The following GNA12 variants were observed in gnomAD, a reference collection of about 807,000 sequenced individuals.
GNA12 encodes G protein subunit alpha 12, also known as guanine nucleotide-binding protein subunit alpha-12.
A neutral mutation model predicts 26.0 loss-of-function variants in GNA12; 9 were observed. That is an observed-to-expected ratio of 0.35 (90% CI 0.21 to 0.60). GNA12 has a LOEUF of 0.60. GNA12 is among the 20% of genes least tolerant of loss of function. The pLI is 0.78. For synonymous variants in GNA12, 264 were observed against 219.6 expected, an observed-to-expected ratio of 1.20 and a Z score of -1.79; for missense variants, 405 against 525.8, an observed-to-expected ratio of 0.77 and a Z score of 2.25.
chr7:2,815,002 T>C, intron 1 of GNA12: 1 of 1,539,778 alleles, frequency 6.5e-7, no homozygotes, highest in Non-Finnish European at 8.7e-7. Flanking sequence ...TATCCAGGTC[T>C]AATCTCGCCC....
At chr7:2,771,384 C>T (rs553282784) in intron 2 of GNA12, among the ~76,000 whole-genome samples, 179 of 152,116 alleles carry the variant, frequency 1.2e-3, no homozygotes, top group Non-Finnish European at 2.1e-3. Context: ...AGCTGTGGGA[C>T]CATCATAACA....
At chr7:2,823,229 T>C (rs974591551) in intron 1 of GNA12, among the ~76,000 whole-genome samples, 1 of 152,158 alleles carries the variant, frequency 6.6e-6, no homozygotes, top group Non-Finnish European at 1.5e-5. Flanking sequence ...GTCTGCTTCA[T>C]CCAGCATACA....
At chr7:2,778,795 C>T (rs78217514) in intron 2 of GNA12, among the ~76,000 whole-genome samples, 3,589 of 152,188 alleles carry the variant, frequency 0.024, 106 homozygotes, top group Middle Eastern at 0.075. Context: ...TAATATGTAG[C>T]GAAAATGGTG....
intron 1 of GNA12, among the ~76,000 whole-genome samples, chr7:2,829,407 G>C (rs994792985): frequency 1.3e-5 from 2 of 152,200 alleles, no homozygotes; most frequent in Non-Finnish European, 1.5e-5. Flanking sequence ...TACAGCCATG[G>C]GGACGCTGAC....
At position 2,729,121 on chromosome 7, in the gene GNA12, G is replaced by A. The variant is rs748353742; in HGVS notation, c.*2060C>T. 2.0e-5 allele frequency: 3 copies of A among 152,422 alleles called. No homozygotes were observed. The highest frequency in any genetic ancestry group is 7.2e-5 in the African/African-American group (3 of 41,476). 9.4% of individuals were successfully genotyped at this position (152,422 alleles called of 1,614,324 possible). ...ACTCCCCTGCTACGCGAATCACAGCGCTGCTGTCGCCAACAGCGCCGCGAA... is the reference window on the plus strand; with the variant it reads ...ACTCCCCTGCTACGCGAATCACAGCACTGCTGTCGCCAACAGCGCCGCGAA... On this transcript the variant is annotated 3_prime_UTR_variant, in exon 4 of 4. Coordinates refer to ENST00000275364, the MANE Select transcript of GNA12 (RefSeq NM_007353.3).
intron 1 of GNA12, among the ~76,000 whole-genome samples, chr7:2,840,167 A>G (rs530406043): frequency 4.5e-4 from 68 of 152,338 alleles, no homozygotes; most frequent in African/African-American, 1.6e-3. Flanking sequence ...TCTACAGAAC[A>G]TAATCACTGA....
intron 2 of GNA12, among the ~76,000 whole-genome samples, chr7:2,758,500 G>A (rs544706910): frequency 2.0e-5 from 3 of 152,286 alleles, no homozygotes; most frequent in Admixed American, 1.3e-4. Flanking sequence ...CCCCTGCAGC[G>A]TGGGAGGAAG....
intron 2 of GNA12, among the ~76,000 whole-genome samples, chr7:2,737,638 C>T (rs911569243): frequency 5.3e-5 from 8 of 152,078 alleles, no homozygotes; most frequent in South Asian, 4.1e-4. Flanking sequence ...AATCCTAAAG[C>T]GGGGTCATTC....
chr7:2,763,584 A>G lies in GNA12; in HGVS notation c.526-30083T>C, dbSNP rs930721459. Among the ~76,000 whole-genome samples, 3 of 152,228 alleles carry G rather than the reference A, an allele frequency of 2.0e-5. No individual in the cohort carries two copies. The East Asian group carries it at 5.8e-4, about 29-fold the overall frequency. ...TGTAATCTAAGGCTAGCTCGAAACA[A>G]AAAACAATTATTTTAAGGTCTAAAA... On this transcript the variant is annotated intron_variant, in intron 2 of 3. Coordinates refer to ENST00000275364, the MANE Select transcript of GNA12 (RefSeq NM_007353.3).
At chr7:2,766,955 T>C (rs541060215) in intron 2 of GNA12, among the ~76,000 whole-genome samples, 1 of 152,222 alleles carries the variant, frequency 6.6e-6, no homozygotes, top group Non-Finnish European at 1.5e-5. Context: ...TAGTATCTCA[T>C]TGTGATTTTG....
chr7:2,783,070 A>G (rs541764785), intron 2 of GNA12, among the ~76,000 whole-genome samples: 2 of 152,248 alleles, frequency 1.3e-5, no homozygotes, highest in South Asian at 2.1e-4. Flanking sequence ...TCGGAGTCCA[A>G]TATCTGAAGC....
intron 2 of GNA12, among the ~76,000 whole-genome samples, chr7:2,793,140 C>G (rs2083635589): frequency 6.6e-6 from 1 of 152,240 alleles, no homozygotes; most frequent in African/African-American, 2.4e-5. Flanking sequence ...AGATTCTACA[C>G]AATACCTGGC....
At chr7:2,810,475 C>A (rs1296582670) in intron 1 of GNA12, among the ~76,000 whole-genome samples, 3 of 152,122 alleles carry the variant, frequency 2.0e-5, no homozygotes, top group Non-Finnish European at 2.9e-5. Context: ...AAAATAATAA[C>A]AGTATTAGTA....
At chr7:2,826,499 A>T (rs1793488640) in intron 1 of GNA12, among the ~76,000 whole-genome samples, 1 of 152,204 alleles carries the variant, frequency 6.6e-6, no homozygotes. Context: ...GGTGTTTACC[A>T]CAGCTTTATT....
chr7:2,788,567 TC>T (rs1792425867), intron 2 of GNA12, among the ~76,000 whole-genome samples: 1 of 152,214 alleles, frequency 6.6e-6, no homozygotes, highest in Non-Finnish European at 1.5e-5. Context: ...AATAAGTAGT[TC>T]CACTTATTCA....
At chr7:2,739,173 G>A (rs1483975327) in intron 2 of GNA12, among the ~76,000 whole-genome samples, 1 of 152,112 alleles carries the variant, frequency 6.6e-6, no homozygotes, top group Non-Finnish European at 1.5e-5. Context: ...TTTTCATTAG[G>A]TAAGATCTAC....
intron 2 of GNA12, among the ~76,000 whole-genome samples, chr7:2,742,045 G>C (rs929305782): frequency 1.3e-5 from 2 of 150,960 alleles, no homozygotes; most frequent in African/African-American, 4.9e-5. Flanking sequence ...TTTTTGAGAT[G>C]GAGTCTCACC....
intron 2 of GNA12, among the ~76,000 whole-genome samples, chr7:2,772,556 T>C (rs1791975740): frequency 6.9e-6 from 1 of 145,232 alleles, no homozygotes; most frequent in Non-Finnish European, 1.5e-5. Flanking sequence ...TGAGACTCCA[T>C]CTCAAAAAAA....
chr7:2,741,807 C>A (rs565754737), intron 2 of GNA12, among the ~76,000 whole-genome samples: 1 of 151,412 alleles, frequency 6.6e-6, no homozygotes, highest in East Asian at 1.9e-4. Flanking sequence ...ACGGCAACTT[C>A]AGGTGCTGCT....
Sources: gnomAD v4.1 joint callset for allele counts (sites outside exome capture counted in the v4.1 genomes callset) on GRCh38, gnomAD v4.1.1 for gene constraint, MANE v1.5 for transcripts, NCBI Gene and HGNC (gene_info 2026-07-23, HGNC 2026-07-21) for gene names.